The following ABCD3 variants were observed in gnomAD, a reference collection of about 807,000 sequenced individuals.
ABCD3 encodes the protein ATP binding cassette subfamily D member 3, also known as ATP-binding cassette sub-family D member 3.
ABCD3 carries 41 observed loss-of-function variants against 105.5 expected under a neutral mutation model. The ratio of observed to expected loss-of-function variants is 0.39; its 90% confidence interval spans 0.30 to 0.50. The LOEUF is 0.50. Among genes scored for constraint, ABCD3 ranks in the 20% least tolerant of loss-of-function variants. ABCD3 has a pLI of 0.84. For missense variants in ABCD3, 622 were observed against 806.3 expected, an observed-to-expected ratio of 0.77 and a Z score of 2.77; for synonymous variants, 258 against 269.0, an observed-to-expected ratio of 0.96 and a Z score of 0.40.
chr1:94,407,705 T>A, the ABCD3 span, among the ~76,000 whole-genome samples: 37 of 152,222 alleles, frequency 2.4e-4, no homozygotes, highest in Non-Finnish European at 1.6e-4. Flanking sequence ...AGTTATTTTA[T>A]AATCAATTCA....
chr1:94,510,115 C>T (rs887112020), intron 21 of ABCD3, among the ~76,000 whole-genome samples: 13 of 151,926 alleles, frequency 8.6e-5, no homozygotes, highest in African/African-American at 3.1e-4. Flanking sequence ...CTGCTTTCTC[C>T]TGTGGGCATT....
chr1:94,468,072 A>C (rs1648239837), intron 4 of ABCD3, 65 bp downstream of exon 4: 1 of 1,139,864 alleles, frequency 8.8e-7, no homozygotes, highest in Non-Finnish European at 1.3e-6. Context: ...TTTATGCATT[A>C]TCTTTATAAG....
chr1:94,464,142 A>AT (rs1179954169), intron 2 of ABCD3, among the ~76,000 whole-genome samples: 1 of 151,456 alleles, frequency 6.6e-6, no homozygotes, highest in African/African-American at 2.4e-5. Flanking sequence ...TTATTGGTTT[A>AT]TTTTTTGTCT....
Position 94,475,482 on chromosome 1 carries a change from A to G in ABCD3, c.504-132A>G, listed in dbSNP as rs758592562. ...CTCTAAAAATCAGTTAGGGCAATCAATAGGATCTCTTCTGGCTCCAAACTT... is the reference window on the plus strand; with the variant it reads ...CTCTAAAAATCAGTTAGGGCAATCAGTAGGATCTCTTCTGGCTCCAAACTT... On this transcript the variant is annotated intron_variant, in intron 6 of 22. Coordinates refer to ENST00000370214, the MANE Select transcript of ABCD3 (RefSeq NM_002858.4). The G allele has an allele frequency of 2.1e-5, 20 of 948,106 alleles. 1 individual carries two copies. The highest frequency in any genetic ancestry group is 4.7e-5 in the South Asian group (3 of 63,300). 58.7% of individuals were successfully genotyped at this position (948,106 alleles called of 1,614,324 possible). A position where few individuals can be genotyped will look rare whatever the true frequency, so the allele number is the denominator to read the frequency against.
At chr1:94,445,743 A>G (rs1660321134) in intron 1 of ABCD3, among the ~76,000 whole-genome samples, 4 of 152,170 alleles carry the variant, frequency 2.6e-5, no homozygotes, top group South Asian at 2.1e-4. Flanking sequence ...AGAACTGTAC[A>G]TGGATTTTAT....
At chr1:94,474,007 A>G (rs1242201384) in intron 5 of ABCD3, among the ~76,000 whole-genome samples, 172 bp downstream of exon 5, 1 of 145,758 alleles carries the variant, frequency 6.9e-6, no homozygotes, top group African/African-American at 2.6e-5. Context: ...ATACTAGATA[A>G]AAAAGGGATT....
chr1:94,427,593 A>G (rs550342757), intron 1 of ABCD3, among the ~76,000 whole-genome samples: 1 of 152,326 alleles, frequency 6.6e-6, no homozygotes, highest in South Asian at 2.1e-4. Context: ...ATTATGAAGG[A>G]GAAAGATAGG....
At chr1:94,438,120 C>T (rs1289225497) in intron 1 of ABCD3, among the ~76,000 whole-genome samples, 1 of 152,008 alleles carries the variant, frequency 6.6e-6, no homozygotes, top group Non-Finnish European at 1.5e-5. Flanking sequence ...AACCCCATCT[C>T]TACTAAAATA....
chr1:94,493,781 C>T (rs1250043500), intron 16 of ABCD3, among the ~76,000 whole-genome samples: 3 of 152,128 alleles, frequency 2.0e-5, no homozygotes, highest in African/African-American at 7.2e-5. Flanking sequence ...ATGATGAGTT[C>T]ATGTCCTTTG....
At chr1:94,434,355 T>A (rs1417953499) in intron 1 of ABCD3, among the ~76,000 whole-genome samples, 1 of 152,194 alleles carries the variant, frequency 6.6e-6, no homozygotes, top group African/African-American at 2.4e-5. Context: ...ACTTTTTTTT[T>A]AAGTAGGAGT....
At chr1:94,467,132 A>G (rs578119980) in intron 3 of ABCD3, among the ~76,000 whole-genome samples, 36 of 152,224 alleles carry the variant, frequency 2.4e-4, no homozygotes, top group Middle Eastern at 3.4e-3. Context: ...TTTTTGTTCT[A>G]CTGAGAAGCT....
the ABCD3 span, among the ~76,000 whole-genome samples, chr1:94,392,105 C>G: frequency 3.9e-5 from 6 of 152,302 alleles, no homozygotes; most frequent in South Asian, 1.2e-3. Flanking sequence ...ACCCTATTCT[C>G]CTGCCTCTGT....
At chr1:94,390,852 C>T in the ABCD3 span, among the ~76,000 whole-genome samples, 1 of 152,124 alleles carries the variant, frequency 6.6e-6, no homozygotes, top group African/African-American at 2.4e-5. Context: ...TCCCCTAAAC[C>T]GATTATGAGA....
At chr1:94,487,312 A>C (rs915337392) in intron 10 of ABCD3, among the ~76,000 whole-genome samples, 1 of 152,168 alleles carries the variant, frequency 6.6e-6, no homozygotes, top group African/African-American at 2.4e-5. Flanking sequence ...TGTAATTTCC[A>C]TGCTGTTTGC....
chr1:94,469,132 G>A (rs1376701852), intron 4 of ABCD3, among the ~76,000 whole-genome samples: 2 of 152,106 alleles, frequency 1.3e-5, no homozygotes, highest in African/African-American at 2.4e-5. Context: ...CTGTCATTAC[G>A]TGGAGCCGGT....
At chr1:94,436,191 A>G (rs1206916589) in intron 1 of ABCD3, among the ~76,000 whole-genome samples, 1 of 152,220 alleles carries the variant, frequency 6.6e-6, no homozygotes, top group Non-Finnish European at 1.5e-5. Flanking sequence ...TTATGGACAG[A>G]GCCACGATAT....
At chr1:94,442,211 A>G (rs1292176291) in intron 1 of ABCD3, among the ~76,000 whole-genome samples, 4 of 152,230 alleles carry the variant, frequency 2.6e-5, no homozygotes, top group Non-Finnish European at 4.4e-5. Context: ...CAATCATATC[A>G]GAATTAAAAG....
At chr1:94,399,297 G>A in the ABCD3 span, among the ~76,000 whole-genome samples, 1 of 150,940 alleles carries the variant, frequency 6.6e-6, no homozygotes, top group Non-Finnish European at 1.5e-5. Context: ...ATGTATAAAA[G>A]TAATGCACAC....
chr1:94,466,787 G>T (rs978462280), intron 3 of ABCD3, among the ~76,000 whole-genome samples: 33 of 152,068 alleles, frequency 2.2e-4, no homozygotes, highest in African/African-American at 7.7e-4. Flanking sequence ...ACTATTGCAG[G>T]GGTTCAATGA....
Sources: gnomAD v4.1 joint callset for allele counts (sites outside exome capture counted in the v4.1 genomes callset) on GRCh38, gnomAD v4.1.1 for gene constraint, MANE v1.5 for transcripts, NCBI Gene and HGNC (gene_info 2026-07-23, HGNC 2026-07-21) for gene names.